THSD4: variants seen among roughly 807,000 people sequenced by gnomAD.
THSD4 encodes the protein thrombospondin type 1 domain containing 4.
Under a neutral mutation model 119.0 loss-of-function variants are expected in THSD4, and 69 were observed. The ratio of observed to expected loss-of-function variants is 0.58; its 90% CI spans 0.48 to 0.71. THSD4 has a LOEUF of 0.71. Among genes scored for constraint, THSD4 ranks in the 30% least tolerant of loss-of-function variants. The pLI, the probability that THSD4 is intolerant of heterozygous loss-of-function variation, is 0.00. For synonymous variants in THSD4, 524 were observed against 540.4 expected (o/e 0.97, Z 0.42); for missense variants, 1,393 against 1,391.1 (o/e 1.00, Z -0.02).
At position 71,375,528 on chromosome 15, in the gene THSD4, T is replaced by G. The variant is rs188163963; in HGVS notation, c.1016-36159T>G. Among the ~76,000 whole-genome samples the G allele has an allele frequency of 3.6e-3, 544 of 152,318 alleles. 7 individuals are homozygous for G. Among genetic ancestry groups the G allele is most frequent in the South Asian group, 0.027 (131 of 4,822 alleles). On this transcript the variant is annotated intron_variant, in intron 6 of 17. Transcript: ENST00000261862. ...GTGTCTTTTTTGGGAGCAGGGACTTTGCCTGTCTGTGTTACTCCTGGCACA... is the reference window on the plus strand; with the variant it reads ...GTGTCTTTTTTGGGAGCAGGGACTTGGCCTGTCTGTGTTACTCCTGGCACA...
At chr15:71,423,660 A>G (rs2046835844) in intron 7 of THSD4, among the ~76,000 whole-genome samples, 1 of 152,128 alleles carries the variant, frequency 6.6e-6, no homozygotes, top group Non-Finnish European at 1.5e-5. Context: ...CGGAGTGTAA[A>G]CACTCCTTTG....
At chr15:71,438,732 AACAT>A (rs1252138332) in intron 7 of THSD4, among the ~76,000 whole-genome samples, 3 of 152,200 alleles carry the variant, frequency 2.0e-5, no homozygotes, top group African/African-American at 7.2e-5. Context: ...CAAATATTAG[AACAT>A]ACATTTCGAA....
intron 6 of THSD4, among the ~76,000 whole-genome samples, chr15:71,311,167 A>G (rs567058599): frequency 6.6e-6 from 1 of 152,262 alleles, no homozygotes; most frequent in East Asian, 1.9e-4. Context: ...TAACCATCGT[A>G]TTTCAATTTC....
In THSD4 at chr15:71,747,048, C is replaced by CA; in HGVS notation, c.2241+7dup. The CA allele has an allele frequency of 6.3e-7, 1 of 1,594,356 alleles. No homozygotes were observed. Among genetic ancestry groups the CA allele is most frequent in the Non-Finnish European group, 8.5e-7 (1 of 1,173,528 alleles). On this transcript the variant is annotated splice_region_variant and intron_variant, in intron 13 of 17. Transcript: ENST00000261862. ...TCCGGACCGACTGGACCTCGGTACGCAGGCAGGGCAGCCCGCTCTGCAGCT... is the reference window on the plus strand; with the variant it reads ...TCCGGACCGACTGGACCTCGGTACGCAAGGCAGGGCAGCCCGCTCTGCAGCT...
intron 4 of THSD4, among the ~76,000 whole-genome samples, chr15:71,237,171 G>A (rs1242120752): frequency 6.6e-6 from 1 of 152,124 alleles, no homozygotes; most frequent in East Asian, 1.9e-4. Flanking sequence ...GAGAGAAGGG[G>A]TGGGTGGAAG....
chr15:71,669,466 C>T (rs1595847515), intron 8 of THSD4, among the ~76,000 whole-genome samples: 1 of 152,046 alleles, frequency 6.6e-6, no homozygotes, highest in East Asian at 1.9e-4. Context: ...GCAGAAAGTG[C>T]AGGTTTGTTA....
At chr15:71,130,150 A>G (rs976520842) in intron 1 of THSD4, among the ~76,000 whole-genome samples, 2 of 152,154 alleles carry the variant, frequency 1.3e-5, no homozygotes, top group African/African-American at 2.4e-5. Flanking sequence ...CTGAAAAGGT[A>G]CATTTGATGC....
At chr15:71,246,242 A>G (rs2044199533) in intron 5 of THSD4, among the ~76,000 whole-genome samples, 2 of 152,122 alleles carry the variant, frequency 1.3e-5, no homozygotes, top group African/African-American at 4.8e-5. Flanking sequence ...GACACATGGA[A>G]GGCATGGTGC....
intron 3 of THSD4, among the ~76,000 whole-genome samples, chr15:71,199,791 C>CA (rs2043773297): frequency 2.6e-5 from 2 of 78,148 alleles, no homozygotes; most frequent in African/African-American, 6.1e-5. Context: ...TGGGTGTGTG[C>CA]TGTGTGTGTG....
chr15:71,269,397 C>A (rs1278277542), intron 6 of THSD4, among the ~76,000 whole-genome samples: 2 of 152,142 alleles, frequency 1.3e-5, no homozygotes, highest in African/African-American at 4.8e-5. Context: ...TAAAATTCAA[C>A]ACCCCTTCAT....
At chr15:71,112,708 G>T (rs2040315993), upstream of THSD4, among the ~76,000 whole-genome samples, 1 of 152,200 alleles carries the variant, frequency 6.6e-6, no homozygotes, top group African/African-American at 2.4e-5. Context: ...CTCTCTTTCG[G>T]TGAGGGTCAG....
intron 6 of THSD4, among the ~76,000 whole-genome samples, chr15:71,383,384 C>A (rs781648607): frequency 6.6e-6 from 1 of 152,090 alleles, no homozygotes; most frequent in African/African-American, 2.4e-5. Flanking sequence ...CTCAAAGGCA[C>A]GGAACTGAGA....
chr15:71,598,272 C>A (rs577871641), intron 7 of THSD4, among the ~76,000 whole-genome samples: 11 of 152,234 alleles, frequency 7.2e-5, no homozygotes, highest in South Asian at 4.2e-4. Flanking sequence ...CAGAAGGTAT[C>A]CAGCCCATGA....
At chr15:71,471,795 AT>A (rs541348322) in intron 7 of THSD4, among the ~76,000 whole-genome samples, 4 of 152,082 alleles carry the variant, frequency 2.6e-5, no homozygotes, top group Non-Finnish European at 5.9e-5. Flanking sequence ...ATAGTGCTCA[AT>A]CAACACTGGC....
chr15:71,142,157 T>C (rs2040610882), intron 2 of THSD4, among the ~76,000 whole-genome samples: 1 of 152,214 alleles, frequency 6.6e-6, no homozygotes, highest in Non-Finnish European at 1.5e-5. Flanking sequence ...AAAATGGTGC[T>C]CTCTCTTGTC....
intron 7 of THSD4, among the ~76,000 whole-genome samples, chr15:71,429,902 C>T (rs2046919709): frequency 6.6e-6 from 1 of 152,208 alleles, no homozygotes; most frequent in African/African-American, 2.4e-5. Flanking sequence ...ATCCATGACA[C>T]AGGCAAACAG....
rs538795723 is a variant in THSD4, at chr15:71,493,691, T to C, written c.1152+81868T>C. Among the ~76,000 whole-genome samples, 15 of 152,330 alleles carry C rather than the reference T, an allele frequency of 9.8e-5. No individual in the cohort carries two copies. In the South Asian group the frequency reaches 2.7e-3, roughly 27 times the overall value. On this transcript the variant is annotated intron_variant, in intron 7 of 17. Transcript: ENST00000261862. Reference sequence around the variant, plus strand: ...GCCCCAGAATTGCTGGCATGAACTTTCTCTGTCTTTAGGACAGCTCTGTCA... The same window carrying C: ...GCCCCAGAATTGCTGGCATGAACTTCCTCTGTCTTTAGGACAGCTCTGTCA...
At chr15:71,521,957 G>T (rs886894092) in intron 7 of THSD4, among the ~76,000 whole-genome samples, 12 of 152,220 alleles carry the variant, frequency 7.9e-5, no homozygotes, top group African/African-American at 2.9e-4. Flanking sequence ...CCTGTGTGGT[G>T]AGCCAGTCTG....
chr15:71,577,884 A>C (rs1055545821), intron 7 of THSD4, among the ~76,000 whole-genome samples: 28 of 150,362 alleles, frequency 1.9e-4, no homozygotes, highest in Non-Finnish European at 3.8e-4. Context: ...TGCCTGGCTA[A>C]TTTTTCGTGT....
Sources: allele counts gnomAD v4.1 joint callset (sites outside exome capture counted in the v4.1 genomes callset), GRCh38; gene constraint gnomAD v4.1.1; transcripts MANE v1.5; gene names NCBI Gene and HGNC (gene_info 2026-07-23, HGNC 2026-07-21).